The following HMCN2 variants were observed in gnomAD, a reference collection of about 807,000 sequenced individuals.
HMCN2 encodes hemicentin-2.
A neutral mutation model predicts 377.5 loss-of-function variants in HMCN2; 325 were observed. That is an observed-to-expected ratio of 0.86 (90% CI 0.79 to 0.94). HMCN2 has a LOEUF of 0.94. Ranked by LOEUF, HMCN2 falls within the 40% of genes least tolerant of loss-of-function variation. The pLI is 0.00. For synonymous variants in HMCN2, 2,007 were observed against 2,046.8 expected (o/e 0.98, Z 0.53); for missense variants, 4,543 against 4,725.3 (o/e 0.96, Z 1.13).
At chr9:130,399,696 T>C (rs887583284) in intron 76 of HMCN2, 64 bp downstream of exon 76, 4 of 1,158,940 alleles carry the variant, frequency 3.5e-6, no homozygotes, top group Admixed American at 2.5e-5. Context: ...CGCTCTTGGG[T>C]GCTCTCCCTG....
At position 130,351,149 on chromosome 9, in the gene HMCN2, G is replaced by A. The variant is rs1839693043; in HGVS notation, c.4431-274G>A. 6.6e-6 allele frequency among the ~76,000 whole-genome samples: 1 copy of A among 152,082 alleles called. No individual in the cohort carries two copies. Among genetic ancestry groups the A allele is most frequent in the South Asian group, 2.1e-4 (1 of 4,816 alleles). On this transcript the variant is annotated intron_variant, in intron 29 of 97. Transcript: ENST00000683500. The surrounding 1 kb of genome is among the most constrained non-coding windows in gnomAD (Gnocchi z 5.4). ...ATAGAGTGTGTGGCCTTTTGTGTCT[G>A]GCTTCTTCCACTCGGCATATTTTCC...
chr9:130,433,282 C>T, intron 97 of HMCN2, 66 bp from the exon 98 acceptor site: 5 of 1,284,186 alleles, frequency 3.9e-6, no homozygotes, highest in South Asian at 3.5e-5. Context: ...GTCTGAGTTA[C>T]GCGGATGGGC....
intron 15 of HMCN2, among the ~76,000 whole-genome samples, chr9:130,313,566 T>C (rs976222577): frequency 1.2e-4 from 18 of 150,900 alleles, no homozygotes; most frequent in African/African-American, 3.9e-4. Flanking sequence ...GTGCTTCACT[T>C]AGGGCTTGCG....
rs1291405483 is a variant in HMCN2 at position 130,433,710 on chromosome 9, G to A, written c.*17G>A. ...CCCTACTAAACGGGAGAGGGCATTG[G>A]CGGCCGCCCTGGCGTGACCCCCGAG... is the stretch of plus-strand genomic sequence containing the variant. On this transcript the variant is annotated 3_prime_UTR_variant, in exon 98 of 98. Transcript: ENST00000683500. The A allele has an allele frequency of 6.9e-7, 1 of 1,451,758 alleles. No individual in the cohort carries two copies. The highest frequency in any genetic ancestry group is 2.8e-5 in the East Asian group (1 of 35,384). 89.9% of individuals were successfully genotyped at this position (1,451,758 alleles called of 1,614,324 possible). A position where few individuals can be genotyped will look rare whatever the true frequency, so the allele number is the denominator to read the frequency against.
At chr9:130,350,354 G>C (rs1396850141) in intron 29 of HMCN2, among the ~76,000 whole-genome samples, 1 of 135,530 alleles carries the variant, frequency 7.4e-6, no homozygotes, top group Non-Finnish European at 1.5e-5. Flanking sequence ...CCAACACAGC[G>C]AGACCCTGTC....
chr9:130,397,739 G>A (rs1842675107), intron 74 of HMCN2, 84 bp downstream of exon 74: 2 of 1,201,068 alleles, frequency 1.7e-6, no homozygotes, highest in Non-Finnish European at 2.2e-6. Context: ...CCAGCTGTAG[G>A]GGCCAAGAGC....
rs1275523745 is a variant in HMCN2 at position 130,308,148 on chromosome 9, G to T, written c.2200+582G>T. Among the ~76,000 whole-genome samples the T allele has an allele frequency of 6.6e-6, 1 of 151,928 alleles. No homozygotes were observed. The highest frequency in any genetic ancestry group is 2.4e-5 in the African/African-American group (1 of 41,348). On this transcript the variant is annotated intron_variant, in intron 14 of 97. Transcript: ENST00000683500. The surrounding 1 kb of genome is among the most constrained non-coding windows in gnomAD (Gnocchi z 4.1). Reference sequence around the variant, plus strand: ...ATTTTTGTATTTTTAGTAGAGATGGGGTTTTACCATGTTGGACAGGCTAGT... The same window carrying T: ...ATTTTTGTATTTTTAGTAGAGATGGTGTTTTACCATGTTGGACAGGCTAGT...
At chr9:130,385,897 G>A in intron 60 of HMCN2, 135 bp downstream of exon 60, 1 of 487,134 alleles carries the variant, frequency 2.1e-6, no homozygotes, top group Non-Finnish European at 3.5e-6. Context: ...CAAACCGAGT[G>A]GATTAGCAGC....
At chr9:130,404,230 G>T (rs1015791326) in intron 80 of HMCN2, among the ~76,000 whole-genome samples, 4 of 152,182 alleles carry the variant, frequency 2.6e-5, no homozygotes, top group Non-Finnish European at 4.4e-5. Flanking sequence ...CCAAAAATCT[G>T]CAAAGTCTGC....
Position 130,365,869 on chromosome 9 carries a change from GA to G in HMCN2, c.6506-6del. Reference sequence around the variant, plus strand: ...CCCCCACTAACTCTCTCTCTGCTCTGACTCAGTTGCTCCAGTGTTCCCCTTG... The same window carrying G: ...CCCCCACTAACTCTCTCTCTGCTCTGCTCAGTTGCTCCAGTGTTCCCCTTG... On this transcript the variant is annotated splice_region_variant and splice_polypyrimidine_tract_variant and intron_variant, in intron 42 of 97. Transcript: ENST00000683500. 1.0e-6 allele frequency: 1 copy of G among 985,550 alleles called. No homozygotes were observed. The highest frequency in any genetic ancestry group is 1.2e-6 in the Non-Finnish European group (1 of 829,820). 61.1% of individuals were successfully genotyped at this position (985,550 alleles called of 1,614,324 possible).
At position 130,284,900 on chromosome 9, in the gene HMCN2, G is replaced by A. The variant is rs1835337157; in HGVS notation, c.330+227G>A. Among the ~76,000 whole-genome samples the A allele has an allele frequency of 2.0e-5, 3 of 152,210 alleles. No individual in the cohort carries two copies. The South Asian group carries it at 6.2e-4, about 32-fold the overall frequency. On this transcript the variant is annotated intron_variant, in intron 2 of 97. Coordinates refer to ENST00000683500, the MANE Select transcript of HMCN2 (RefSeq NM_001291815.2). Reference sequence around the variant, plus strand: ...TGCTGGGCTTATTGGTGTAGTGACTGCCCTCCATGCCAGATTCCATGGGGG... The same window carrying A: ...TGCTGGGCTTATTGGTGTAGTGACTACCCTCCATGCCAGATTCCATGGGGG...
chr9:130,280,133 T>C (rs1835027143), intron 1 of HMCN2, among the ~76,000 whole-genome samples: 1 of 149,856 alleles, frequency 6.7e-6, no homozygotes, highest in African/African-American at 2.5e-5. Context: ...CTGGCTTCCA[T>C]AGCTGTGTGT....
In HMCN2 at chr9:130,402,906, C is replaced by T. The variant is rs532846234; in HGVS notation, c.11878+10C>T. On this transcript the variant is annotated intron_variant, in intron 78 of 97. Coordinates refer to ENST00000683500, the MANE Select transcript of HMCN2 (RefSeq NM_001291815.2). ...TTCCTCACTGTGCAAGGTAAGGGTC[C>T]GTGGTCCAGACCCCAGAGTTCCTAG... 20 of 1,287,980 alleles carry T rather than the reference C, an allele frequency of 1.6e-5. No homozygotes were observed. In the Middle Eastern group the frequency reaches 1.7e-3, roughly 108 times the overall value. The allele number at this position is 1,287,980 out of a possible 1,614,324, so 79.8% of individuals were successfully genotyped here.
chr9:130,378,505 G>T (rs1420994229), intron 53 of HMCN2, among the ~76,000 whole-genome samples: 110 of 42,198 alleles, frequency 2.6e-3, no homozygotes, highest in African/African-American at 6.0e-3. Flanking sequence ...GGATGGGGAG[G>T]CTGGGAAAGA....
rs1051895691 is a variant in HMCN2 at position 130,433,861 on chromosome 9, C to T, written c.*168C>T. On this transcript the variant is annotated 3_prime_UTR_variant, in exon 98 of 98. Coordinates refer to ENST00000683500, the MANE Select transcript of HMCN2 (RefSeq NM_001291815.2). ...CCCTGCGCACAGCCTTGACCCCCGA[C>T]AGCGAGGACCTGACCTCACAGAGGG... 2 of 593,242 alleles carry T rather than the reference C, an allele frequency of 3.4e-6. No homozygotes were observed. The highest frequency in any genetic ancestry group is 2.0e-5 in the African/African-American group (1 of 50,524). 36.7% of individuals were successfully genotyped at this position (593,242 alleles called of 1,614,324 possible).
At chr9:130,398,796 C>G in intron 75 of HMCN2, 89 bp downstream of exon 75, 8 of 882,428 alleles carry the variant, frequency 9.1e-6, no homozygotes, top group Non-Finnish European at 1.3e-5. Context: ...AGGGACGGGG[C>G]GGGGTGTGCT....
rs993809201 is a variant in HMCN2, at chr9:130,327,413, C to T, written c.3297C>T (p.Gly1099=). ...TGACCCTGGACTGCGAGGCCAAGGG[C>T]TCCCCACCCCCACTGGTCACCTGGA... is the stretch of plus-strand genomic sequence containing the variant. ...EEVTLDCEAK[G]SPPPLVTWTK... is the part of the protein sequence containing the mutation. The change falls in exon 22 of 98, where the codon GGC becomes GGT. Residue 1099 remains glycine (G), a synonymous_variant. Coordinates refer to ENST00000683500, the MANE Select transcript of HMCN2 (RefSeq NM_001291815.2). The T allele has an allele frequency of 0.021, 3,143 of 152,456 alleles. 47 individuals carry two copies. The highest frequency in any genetic ancestry group is 0.041 in the Middle Eastern group (12 of 296). The allele number at this position is 152,456 out of a possible 1,614,324, so 9.4% of individuals were successfully genotyped here.
At chr9:130,429,384 C>G in intron 93 of HMCN2, 173 bp from the exon 94 acceptor site, 1 of 763,886 alleles carries the variant, frequency 1.3e-6, no homozygotes. Flanking sequence ...CTGTTGACCT[C>G]CAACCTGGTA....
At chr9:130,354,721 G>T (rs779187601) in intron 31 of HMCN2, 42 bp from the exon 32 acceptor site, 2 of 1,260,858 alleles carry the variant, frequency 1.6e-6, no homozygotes, top group Non-Finnish European at 2.1e-6. Context: ...GCAGGCTAGC[G>T]TCCAGCTGTG....
Sources: allele counts gnomAD v4.1 joint callset (sites outside exome capture counted in the v4.1 genomes callset), GRCh38; gene constraint gnomAD v4.1.1; non-coding constraint Gnocchi (gnomAD v3.1); transcripts MANE v1.5; gene names NCBI Gene and HGNC (gene_info 2026-07-23, HGNC 2026-07-21).